SHTN1: variants seen among roughly 807,000 people sequenced by gnomAD.
The protein encoded by SHTN1 is shootin-1.
Under a neutral mutation model 83.1 loss-of-function variants are expected in SHTN1, and 42 were observed. That is an observed-to-expected ratio of 0.51 (90% CI 0.39 to 0.65). The LOEUF (loss-of-function observed/expected upper bound fraction) is 0.65, where lower values mean the gene tolerates loss of function less well. Among genes scored for constraint, SHTN1 ranks in the 30% least tolerant of loss-of-function variants. The pLI is 0.00. For missense variants in SHTN1, 622 were observed against 737.8 expected, an observed-to-expected ratio of 0.84 and a Z score of 1.82; for synonymous variants, 224 against 247.7, an observed-to-expected ratio of 0.90 and a Z score of 0.90.
chr10:116,897,681 G>T (rs1456367110), intron 16 of SHTN1, among the ~76,000 whole-genome samples: 1 of 152,012 alleles, frequency 6.6e-6, no homozygotes, highest in East Asian at 1.9e-4. Flanking sequence ...AGTCCTACAG[G>T]GCAGGCATTA....
chr10:116,902,032 A>G (rs1847759699), intron 15 of SHTN1, 75 bp from the exon 16 acceptor site: 1 of 1,311,338 alleles, frequency 7.6e-7, no homozygotes, highest in African/African-American at 1.5e-5. Flanking sequence ...AAAACAGATT[A>G]GCTGAAAATC....
chr10:117,120,093 G>A (rs1423634708), intron 1 of SHTN1, among the ~76,000 whole-genome samples: 1 of 152,004 alleles, frequency 6.6e-6, no homozygotes, highest in Non-Finnish European at 1.5e-5. Flanking sequence ...AAAATAGGAA[G>A]AATGAATAAG....
intron 13 of SHTN1, among the ~76,000 whole-genome samples, chr10:116,914,491 AAAAG>A (rs943670190): frequency 1.3e-5 from 2 of 151,916 alleles, no homozygotes; most frequent in Non-Finnish European, 2.9e-5. Flanking sequence ...AAAGAACAGA[AAAAG>A]AAAATCCTCA....
At chr10:117,096,023 T>A (rs2133624184) in intron 1 of SHTN1, among the ~76,000 whole-genome samples, 1 of 152,304 alleles carries the variant, frequency 6.6e-6, no homozygotes, top group African/African-American at 2.4e-5. Flanking sequence ...AACAACATAA[T>A]TCTTAAGCGA....
chr10:117,070,438 T>C (rs1371630918), intron 1 of SHTN1, among the ~76,000 whole-genome samples: 2 of 152,038 alleles, frequency 1.3e-5, no homozygotes, highest in African/African-American at 4.8e-5. Flanking sequence ...ATGCTTTTTT[T>C]CCCCCTCACC....
intron 2 of SHTN1, among the ~76,000 whole-genome samples, chr10:117,023,173 A>G (rs1473602650): frequency 6.6e-6 from 1 of 152,216 alleles, no homozygotes; most frequent in Non-Finnish European, 1.5e-5. Flanking sequence ...GTTTCTTTAA[A>G]CTTTCAAAGG....
rs181620986 is a variant in SHTN1, at chr10:116,969,286, C to G, written c.112-574G>C. ...TGAAACACCATCTCTACTAAAAATACAAAAATTAGCCAGGCGTGGTGGTGC... is the reference window on the plus strand; with the variant it reads ...TGAAACACCATCTCTACTAAAAATAGAAAAATTAGCCAGGCGTGGTGGTGC... On this transcript the variant is annotated intron_variant, in intron 2 of 16. Coordinates refer to ENST00000355371, the MANE Select transcript of SHTN1 (RefSeq NM_001127211.3). 7.1e-3 allele frequency among the ~76,000 whole-genome samples: 1,079 copies of G among 152,176 alleles called. 7 individuals carry two copies. The highest frequency in any genetic ancestry group is 0.027 in the Middle Eastern group (8 of 294).
intron 1 of SHTN1, among the ~76,000 whole-genome samples, chr10:116,987,834 G>C (rs943611376): frequency 3.3e-5 from 5 of 151,840 alleles, no homozygotes; most frequent in Admixed American, 2.0e-4. Flanking sequence ...AGAATCACTT[G>C]AACCGAGGAG....
chr10:116,927,632 T>A (rs1315809797), intron 11 of SHTN1, among the ~76,000 whole-genome samples, 160 bp downstream of exon 11: 3 of 152,138 alleles, frequency 2.0e-5, no homozygotes, highest in Non-Finnish European at 4.4e-5. Context: ...CAAGAGGAAA[T>A]TTGGGTGGGG....
intron 1 of SHTN1, among the ~76,000 whole-genome samples, chr10:117,083,912 TTC>T (rs1353492962): frequency 1.3e-5 from 2 of 151,656 alleles, no homozygotes; most frequent in Admixed American, 1.3e-4. Flanking sequence ...CTTTAAGCAC[TTC>T]TCTGTGTTGG....
At chr10:116,925,497 C>T (rs1401514778) in intron 11 of SHTN1, among the ~76,000 whole-genome samples, 1 of 152,198 alleles carries the variant, frequency 6.6e-6, no homozygotes, top group African/African-American at 2.4e-5. Context: ...ACCATTGACA[C>T]TTTTGGGTGT....
At chr10:117,029,377 T>C (rs970396703) in intron 2 of SHTN1, among the ~76,000 whole-genome samples, 3 of 152,306 alleles carry the variant, frequency 2.0e-5, no homozygotes, top group African/African-American at 7.2e-5. Flanking sequence ...GACTTTTGAG[T>C]TAATGCTGGA....
At chr10:117,123,526 C>T (rs577056284) in intron 1 of SHTN1, among the ~76,000 whole-genome samples, 37 of 152,166 alleles carry the variant, frequency 2.4e-4, no homozygotes, top group Non-Finnish European at 5.1e-4. Context: ...TTGGGGGTCA[C>T]CCAACATCTA....
intron 9 of SHTN1, among the ~76,000 whole-genome samples, chr10:116,931,997 A>T (rs1848985697): frequency 6.6e-6 from 1 of 152,220 alleles, no homozygotes; most frequent in South Asian, 2.1e-4. Context: ...CCAATTTAGG[A>T]TGGTTTGAGA....
chr10:116,995,789 T>C (rs1169823710), intron 1 of SHTN1, among the ~76,000 whole-genome samples: 1 of 152,134 alleles, frequency 6.6e-6, no homozygotes, highest in African/African-American at 2.4e-5. Flanking sequence ...TAAAGGCACC[T>C]TGGAAATACT....
At chr10:116,911,532 G>A in intron 14 of SHTN1, 1 of 1,550,564 alleles carries the variant, frequency 6.4e-7, no homozygotes, top group Non-Finnish European at 8.7e-7. Context: ...GCCAGGATTG[G>A]AGGGCAAGAA....
At chr10:116,986,366 C>T (rs558896285) in intron 1 of SHTN1, among the ~76,000 whole-genome samples, 13 of 152,190 alleles carry the variant, frequency 8.5e-5, no homozygotes, top group African/African-American at 2.9e-4. Flanking sequence ...AGCCTGGAAG[C>T]GAAACCTCCT....
chr10:117,086,895 T>C (rs1177148266), intron 1 of SHTN1, among the ~76,000 whole-genome samples: 1 of 152,208 alleles, frequency 6.6e-6, no homozygotes, highest in Non-Finnish European at 1.5e-5. Flanking sequence ...ATGTGGCACA[T>C]ACATATGATG....
chr10:117,068,346 C>A (rs769123902), intron 1 of SHTN1, among the ~76,000 whole-genome samples: 12 of 152,208 alleles, frequency 7.9e-5, no homozygotes, highest in Middle Eastern at 3.4e-3. Flanking sequence ...GTTGGGGTTG[C>A]ACCACTGCAC....
Sources: allele counts gnomAD v4.1 joint callset (sites outside exome capture counted in the v4.1 genomes callset), GRCh38; gene constraint gnomAD v4.1.1; transcripts MANE v1.5; gene names NCBI Gene and HGNC (gene_info 2026-07-23, HGNC 2026-07-21).